Variants in CCDC14 observed in about 807,000 individuals in gnomAD.
The protein encoded by CCDC14 is coiled-coil domain containing 14.
Under a neutral mutation model 81.4 loss-of-function variants are expected in CCDC14, and 71 were observed. The ratio of observed to expected loss-of-function variants is 0.87; its 90% CI spans 0.72 to 1.06. The LOEUF (loss-of-function observed/expected upper bound fraction) is 1.06. Ranked by LOEUF, CCDC14 falls within the 50% of genes least tolerant of loss-of-function variation. The pLI, the probability that CCDC14 is intolerant of heterozygous loss-of-function variation, is 0.00. For missense variants in CCDC14, 1,046 were observed against 1,047.3 expected, an observed-to-expected ratio of 1.00 and a Z score of 0.02; for synonymous variants, 332 against 364.8, an observed-to-expected ratio of 0.91 and a Z score of 1.03.
rs979460565 is a variant in CCDC14, at chr3:123,948,901, TGA to T, written c.582_583del (p.His195PhefsTer2). 2 of 1,612,376 alleles carry T rather than the reference TGA, an allele frequency of 1.2e-6. No homozygotes were observed. The highest frequency in any genetic ancestry group is 2.7e-5 in the African/African-American group (2 of 74,906). Reference sequence around the variant, plus strand: ...TAAACAGCATTCGTACTCACCAGAATGAGAGGGAGCATGGCATGGTACAGCAG... The same window carrying T: ...TAAACAGCATTCGTACTCACCAGAATGAGGGAGCATGGCATGGTACAGCAG... On this transcript the variant is annotated frameshift_variant, in exon 6 of 13. Coordinates refer to ENST00000409697, the MANE Select transcript of CCDC14 (RefSeq NM_001366335.1). LOFTEE classifies it high-confidence loss of function.
At chr3:123,902,205 T>C (rs572725613) in intron 5 of CCDC14, among the ~76,000 whole-genome samples, 1 of 152,230 alleles carries the variant, frequency 6.6e-6, no homozygotes, top group African/African-American at 2.4e-5. Flanking sequence ...CAAGCACTTA[T>C]GTTGCCTTAT....
In CCDC14 at chr3:123,934,039, G is replaced by A. The variant is rs185645982; in HGVS notation, c.1344-284C>T. 2.4e-3 allele frequency among the ~76,000 whole-genome samples: 363 copies of A among 152,110 alleles called. 1 individual carries two copies. The highest frequency in any genetic ancestry group is 7.9e-3 in the African/African-American group (327 of 41,504). ...TGTAATCCCAGCACTTTGGGAGGTCGAGGTGGGCGGATCACCTGAGGTCAG... is the reference window on the plus strand; with the variant it reads ...TGTAATCCCAGCACTTTGGGAGGTCAAGGTGGGCGGATCACCTGAGGTCAG... On this transcript the variant is annotated intron_variant, in intron 9 of 12. Coordinates refer to ENST00000409697, the MANE Select transcript of CCDC14 (RefSeq NM_001366335.1).
chr3:123,941,659 A>T (rs2036356625), intron 9 of CCDC14, among the ~76,000 whole-genome samples: 1 of 152,086 alleles, frequency 6.6e-6, no homozygotes, highest in Non-Finnish European at 1.5e-5. Flanking sequence ...AAGGTCAAGT[A>T]AACAACAGTG....
rs147263126 is a variant in CCDC14 at position 123,914,108 on chromosome 3, C to T, written c.*671G>A. ...CCCAACTATAGCTTATCTGTTAGCA[C>T]TTCTTTATCAGTCTGACTATTCTTT... On this transcript the variant is annotated 3_prime_UTR_variant, in exon 13 of 13. Coordinates refer to ENST00000409697, the MANE Select transcript of CCDC14 (RefSeq NM_001366335.1). 5.4e-4 allele frequency: 528 copies of T among 985,660 alleles called. No homozygotes were observed. Among genetic ancestry groups the T allele is most frequent in the Non-Finnish European group, 6.2e-4 (512 of 829,836 alleles). The allele number at this position is 985,660 out of a possible 1,614,324, so 61.1% of individuals were successfully genotyped here.
At chr3:123,933,974 TA>T in intron 9 of CCDC14, among the ~76,000 whole-genome samples, 1 of 152,122 alleles carries the variant, frequency 6.6e-6, no homozygotes, top group Non-Finnish European at 1.5e-5. Flanking sequence ...TGAAACAACA[TA>T]AAACCTCCCC....
At chr3:123,901,439 G>T (rs2034177208) in intron 5 of CCDC14, among the ~76,000 whole-genome samples, 1 of 151,694 alleles carries the variant, frequency 6.6e-6, no homozygotes, top group African/African-American at 2.4e-5. Flanking sequence ...TGGGAAAAAA[G>T]TTGAACTTTT....
the CCDC14 span, among the ~76,000 whole-genome samples, chr3:123,888,434 A>ACTTCTAAGATTTCCTGGCTCTGTTTCC: frequency 1.3e-5 from 2 of 152,182 alleles, no homozygotes; most frequent in African/African-American, 4.8e-5. Context: ...TGGTGGCTGG[A>ACTTCTAAGATTTCCTGGCTCTGTTTCC]CTTCTAAGAT....
rs527654915 is a variant in CCDC14 at position 123,907,108 on chromosome 3, T to C, written c.668-9495A>G. Among the ~76,000 whole-genome samples, 60 of 152,352 alleles carry C rather than the reference T, an allele frequency of 3.9e-4. 1 individual carries two copies. The South Asian group carries it at 0.012, about 31-fold the overall frequency. ...GCAATGTTTTCCTGATAAGTGGTTT[T>C]AGTTTACAGTCATATTTTCCTATTT... On this transcript the variant is annotated intron_variant, in intron 5 of 5. Coordinates refer to the CCDC14 transcript ENST00000479903.
At position 123,947,111 on chromosome 3, in the gene CCDC14, TCTGTTTCC is replaced by T; in HGVS notation, c.885_892del (p.Glu296ProfsTer40). ...ATATGTTTGAATACATTTTAGTAGGTCTGTTTCCTTATGAATTCCTTGTTGTGGCAGAA... is the reference window on the plus strand; with the variant it reads ...ATATGTTTGAATACATTTTAGTAGGTTTATGAATTCCTTGTTGTGGCAGAA... On this transcript the variant is annotated frameshift_variant, in exon 8 of 13. Coordinates refer to ENST00000409697, the MANE Select transcript of CCDC14 (RefSeq NM_001366335.1). LOFTEE classifies it high-confidence loss of function. 3.1e-6 allele frequency: 5 copies of T among 1,613,954 alleles called. No individual in the cohort carries two copies. In the South Asian group the frequency reaches 5.5e-5, roughly 18 times the overall value.
intron 5 of CCDC14, among the ~76,000 whole-genome samples, chr3:123,906,266 T>G (rs894886470): frequency 6.6e-6 from 1 of 150,926 alleles, no homozygotes; most frequent in African/African-American, 2.4e-5. Context: ...GGAGGCGGAG[T>G]TTGCAGTGAG....
chr3:123,887,290 C>G, the CCDC14 span, among the ~76,000 whole-genome samples: 1 of 151,884 alleles, frequency 6.6e-6, no homozygotes. Flanking sequence ...GTTTATGTAT[C>G]TTTAGTCATT....
intron 5 of CCDC14, chr3:123,954,521 T>C (rs1271979945): frequency 2.6e-5 from 4 of 152,102 alleles, no homozygotes; most frequent in African/African-American, 2.4e-5. Flanking sequence ...CCAGTAACCA[T>C]ATAAAATAGG....
rs1173143703 is a variant in CCDC14 at position 123,947,086 on chromosome 3, A to G, written c.918T>C (p.Tyr306=). The G allele has an allele frequency of 1.2e-6, 2 of 1,613,980 alleles. No homozygotes were observed. The highest frequency in any genetic ancestry group is 1.1e-5 in the South Asian group (1 of 91,074). The change falls in exon 8 of 13, where the codon TAT becomes TAC. Residue 306 remains tyrosine, a synonymous_variant. Coordinates refer to ENST00000409697, the MANE Select transcript of CCDC14 (RefSeq NM_001366335.1). ...TTCCATGAGATCGAAAAAGAGACAA[A>G]TATGTTTGAATACATTTTAGTAGGT... ...ETDLLKCIQT[Y]LSLFRSHGKE...
intron 5 of CCDC14, chr3:123,955,456 A>G (rs1052775519): frequency 6.8e-6 from 1 of 147,848 alleles, no homozygotes; most frequent in Non-Finnish European, 1.5e-5. Context: ...TGACCAACTT[A>G]GGATATATAT....
chr3:123,941,387 A>AT (rs2036344386), intron 9 of CCDC14, among the ~76,000 whole-genome samples: 1 of 152,044 alleles, frequency 6.6e-6, no homozygotes, highest in African/African-American at 2.4e-5. Context: ...GTCCTGAAAG[A>AT]TGTGGTTAAA....
chr3:123,923,818 A>G (rs1394709064), intron 12 of CCDC14, among the ~76,000 whole-genome samples: 1 of 151,494 alleles, frequency 6.6e-6, no homozygotes, highest in Non-Finnish European at 1.5e-5. Flanking sequence ...ATGGAAGGCT[A>G]CCCTGTGCTC....
intron 12 of CCDC14, among the ~76,000 whole-genome samples, chr3:123,925,853 C>T (rs1011263882): frequency 6.6e-6 from 1 of 152,158 alleles, no homozygotes; most frequent in African/African-American, 2.4e-5. Flanking sequence ...TTAGTTATTT[C>T]ACCTTGTTTA....
chr3:123,944,735 G>GT (rs2036535001), intron 9 of CCDC14, 114 bp downstream of exon 9: 3 of 665,490 alleles, frequency 4.5e-6, no homozygotes, highest in African/African-American at 1.8e-5. Context: ...TAGAAATACA[G>GT]TAAGACAGCA....
downstream of CCDC14, among the ~76,000 whole-genome samples, chr3:123,912,538 C>T (rs769847187): frequency 2.6e-5 from 4 of 152,154 alleles, no homozygotes; most frequent in Admixed American, 6.6e-5. Context: ...GGTCACCCAG[C>T]TGACTGAAAA....
Sources: allele counts gnomAD v4.1 joint callset (sites outside exome capture counted in the v4.1 genomes callset), GRCh38; gene constraint gnomAD v4.1.1; transcripts MANE v1.5; gene names NCBI Gene and HGNC (gene_info 2026-07-23, HGNC 2026-07-21).